The following ZBTB20 variants were observed in gnomAD, a reference collection of about 807,000 sequenced individuals.
ZBTB20 encodes zinc finger and BTB domain-containing protein 20.
A neutral mutation model predicts 56.9 loss-of-function variants in ZBTB20; 9 were observed. That is an observed-to-expected ratio of 0.16 (90% CI 0.10 to 0.28). The LOEUF (loss-of-function observed/expected upper bound fraction) is 0.28, where lower values mean the gene tolerates loss of function less well. Ranked by LOEUF, ZBTB20 falls within the 10% of genes least tolerant of loss-of-function variation. The pLI is 1.00. For missense variants in ZBTB20, 655 were observed against 1,003.0 expected, an observed-to-expected ratio of 0.65 and a Z score of 4.69; for synonymous variants, 417 against 420.7, an observed-to-expected ratio of 0.99 and a Z score of 0.11.
intron 6 of ZBTB20, among the ~76,000 whole-genome samples, chr3:114,628,753 T>C (rs1330655493): frequency 1.3e-5 from 2 of 152,202 alleles, no homozygotes; most frequent in African/African-American, 2.4e-5. Context: ...AGGTTACTAA[T>C]AATTTCTGAT....
chr3:114,800,398 C>T (rs982709275), intron 5 of ZBTB20, among the ~76,000 whole-genome samples: 1 of 151,770 alleles, frequency 6.6e-6, no homozygotes, highest in Non-Finnish European at 1.5e-5. Flanking sequence ...CTTCCAAGTA[C>T]ATTGACAAAA....
At chr3:114,572,464 G>A (rs1186619556) in intron 6 of ZBTB20, among the ~76,000 whole-genome samples, 1 of 152,158 alleles carries the variant, frequency 6.6e-6, no homozygotes, top group Non-Finnish European at 1.5e-5. Context: ...GGTATACAAA[G>A]ATAAACAGGA....
In ZBTB20 at chr3:114,420,990, T is replaced by C. The variant is rs140059365; in HGVS notation, c.-254-31885A>G. Among the ~76,000 whole-genome samples, 1,261 of 152,232 alleles carry C rather than the reference T, an allele frequency of 8.3e-3. 27 individuals are homozygous for C. The highest frequency in any genetic ancestry group is 0.029 in the African/African-American group (1,198 of 41,544). ...AATTATTTGGCATTAAACCATACCA[T>C]CATTTGCTAAAGACTTGGAGTCAAA... is the stretch of plus-strand genomic sequence containing the variant. On this transcript the variant is annotated intron_variant, in intron 7 of 11. Transcript: ENST00000675478.
intron 3 of ZBTB20, among the ~76,000 whole-genome samples, chr3:114,913,196 G>T: frequency 6.6e-6 from 1 of 151,820 alleles, no homozygotes; most frequent in Non-Finnish European, 1.5e-5. Context: ...TTACATTTCC[G>T]CCAACAGTGT....
At chr3:114,457,958 T>A (rs2092119958) in intron 7 of ZBTB20, among the ~76,000 whole-genome samples, 2 of 152,160 alleles carry the variant, frequency 1.3e-5, no homozygotes, top group African/African-American at 4.8e-5. Flanking sequence ...TCATTGGAGA[T>A]CAGTAATAAT....
rs2078814381 is a variant in ZBTB20, at chr3:114,319,466, A to G, written c.*19539T>C. ...CACCCCTGCTCTAAAACAAAACAAA[A>G]CCAGAAAAAAACCAGCAAACATTAA... On this transcript the variant is annotated 3_prime_UTR_variant, in exon 12 of 12. Coordinates refer to ENST00000675478, the MANE Select transcript of ZBTB20 (RefSeq NM_001348800.3). 6.6e-6 allele frequency: 1 copy of G among 152,106 alleles called. No individual in the cohort carries two copies. Among genetic ancestry groups the G allele is most frequent in the African/African-American group, 2.4e-5 (1 of 41,404 alleles). 9.4% of individuals were successfully genotyped at this position (152,106 alleles called of 1,614,324 possible).
At chr3:114,893,145 G>A (rs1342223101) in intron 4 of ZBTB20, among the ~76,000 whole-genome samples, 2 of 152,148 alleles carry the variant, frequency 1.3e-5, no homozygotes, top group East Asian at 3.8e-4. Flanking sequence ...AGTGGAGTGT[G>A]TCCTCATTAG....
intron 3 of ZBTB20, among the ~76,000 whole-genome samples, chr3:114,938,335 G>T (rs947204041): frequency 6.9e-6 from 1 of 145,840 alleles, no homozygotes; most frequent in Non-Finnish European, 1.5e-5. Flanking sequence ...TTTTAGTCAT[G>T]AAGTCTTTGC....
At chr3:114,505,114 T>C (rs2044446238) in intron 6 of ZBTB20, among the ~76,000 whole-genome samples, 2 of 152,110 alleles carry the variant, frequency 1.3e-5, no homozygotes, top group South Asian at 2.1e-4. Context: ...ACCCATTTTA[T>C]GGTGAGGAAG....
In ZBTB20 at chr3:114,918,889, A is replaced by T. The variant is rs148470122; in HGVS notation, c.-455-18547T>A. Among the ~76,000 whole-genome samples, 104 of 152,310 alleles carry T rather than the reference A, an allele frequency of 6.8e-4. 2 individuals are homozygous for T. In the East Asian group the frequency reaches 0.016, roughly 23 times the overall value. Reference sequence around the variant, plus strand: ...CCTGTCTGGTGTCTCACTAGGTCATATGACCCCTGCATCCACTGGCTCCAA... The same window carrying T: ...CCTGTCTGGTGTCTCACTAGGTCATTTGACCCCTGCATCCACTGGCTCCAA... On this transcript the variant is annotated intron_variant, in intron 3 of 11. Coordinates refer to ENST00000675478, the MANE Select transcript of ZBTB20 (RefSeq NM_001348800.3).
intron 1 of ZBTB20, among the ~76,000 whole-genome samples, chr3:115,128,392 A>G (rs2084395914): frequency 6.6e-6 from 1 of 152,054 alleles, no homozygotes; most frequent in African/African-American, 2.4e-5. Flanking sequence ...GCCTGCATGT[A>G]GTGACTCACA....
At chr3:114,928,618 A>G (rs905664959) in intron 3 of ZBTB20, among the ~76,000 whole-genome samples, 1 of 152,244 alleles carries the variant, frequency 6.6e-6, no homozygotes, top group Admixed American at 6.5e-5. Flanking sequence ...TCCCACACAC[A>G]ATCTCAAGCA....
At chr3:115,120,680 G>T (rs1234713862) in intron 1 of ZBTB20, among the ~76,000 whole-genome samples, 3 of 152,104 alleles carry the variant, frequency 2.0e-5, no homozygotes, top group South Asian at 2.1e-4. Flanking sequence ...AGGTTAGAAG[G>T]TTGTAAAAAG....
At chr3:114,672,986 C>A (rs574303970) in intron 6 of ZBTB20, among the ~76,000 whole-genome samples, 1 of 152,250 alleles carries the variant, frequency 6.6e-6, no homozygotes, top group South Asian at 2.1e-4. Flanking sequence ...TTTAAACTCA[C>A]TCCCAAGTGA....
chr3:114,787,412 C>T (rs1018485792), intron 5 of ZBTB20, among the ~76,000 whole-genome samples: 5 of 133,910 alleles, frequency 3.7e-5, no homozygotes, highest in Non-Finnish European at 6.3e-5. Flanking sequence ...CATATATATA[C>T]GTGTGTACAC....
chr3:114,374,328 A>G (rs1243454194), intron 10 of ZBTB20, among the ~76,000 whole-genome samples: 1 of 152,232 alleles, frequency 6.6e-6, no homozygotes, highest in African/African-American at 2.4e-5. Context: ...CACTGGGGGC[A>G]ACGAGAGCAC....
intron 7 of ZBTB20, among the ~76,000 whole-genome samples, chr3:114,485,579 A>G (rs147414292): frequency 6.6e-6 from 1 of 152,290 alleles, no homozygotes; most frequent in East Asian, 1.9e-4. Flanking sequence ...TTATTAGATT[A>G]TATGCTCTGA....
chr3:114,694,984 A>C (rs558793568), intron 5 of ZBTB20, among the ~76,000 whole-genome samples: 113 of 152,218 alleles, frequency 7.4e-4, no homozygotes, highest in Non-Finnish European at 7.4e-5. Context: ...GCTTACCTGC[A>C]TCAGCAGTCT....
chr3:114,507,106 G>T (rs192700207), intron 6 of ZBTB20, among the ~76,000 whole-genome samples: 1 of 152,310 alleles, frequency 6.6e-6, no homozygotes, highest in East Asian at 1.9e-4. Context: ...TTTTAGGAGT[G>T]GGGGCAAGAT....
Sources: gnomAD v4.1 joint callset for allele counts (sites outside exome capture counted in the v4.1 genomes callset) on GRCh38, gnomAD v4.1.1 for gene constraint, MANE v1.5 for transcripts, NCBI Gene and HGNC (gene_info 2026-07-23, HGNC 2026-07-21) for gene names.